SCMH1: variants seen among roughly 807,000 people sequenced by gnomAD.
SCMH1 encodes the protein polycomb protein SCMH1.
SCMH1 carries 37 observed loss-of-function variants against 70.8 expected under a neutral mutation model. The observed-to-expected ratio is 0.52, with a 90% CI of 0.40 to 0.69. The LOEUF is 0.69. Among genes scored for constraint, SCMH1 ranks in the 30% least tolerant of loss-of-function variants. The probability of loss-of-function intolerance (pLI) is 0.00; values close to 1 mark genes in which losing one functional copy is unlikely to be tolerated. For synonymous variants in SCMH1, 292 were observed against 307.4 expected (o/e 0.95, Z 0.52); for missense variants, 607 against 827.3 (o/e 0.73, Z 3.27).
chr1:41,051,602 G>A (rs1373019468), intron 10 of SCMH1, among the ~76,000 whole-genome samples: 2 of 152,012 alleles, frequency 1.3e-5, no homozygotes, highest in Non-Finnish European at 2.9e-5. Context: ...GCTAATGTGT[G>A]TGTATGTCTT....
chr1:41,125,804 T>C (rs928043577), intron 6 of SCMH1, among the ~76,000 whole-genome samples: 3 of 152,106 alleles, frequency 2.0e-5, no homozygotes, highest in African/African-American at 7.2e-5. Flanking sequence ...CTCGAACTCC[T>C]AGGCTTAAGG....
chr1:41,092,886 A>C (rs1278834924), intron 8 of SCMH1, among the ~76,000 whole-genome samples: 1 of 152,050 alleles, frequency 6.6e-6, no homozygotes, highest in Non-Finnish European at 1.5e-5. Flanking sequence ...GGTGCTGGAG[A>C]GGATGTGGAG....
intron 2 of SCMH1, among the ~76,000 whole-genome samples, chr1:41,165,074 T>C (rs1646325427): frequency 6.6e-6 from 1 of 152,086 alleles, no homozygotes; most frequent in Admixed American, 6.5e-5. Flanking sequence ...CCTCTGGTTA[T>C]CACCATTCTA....
intron 8 of SCMH1, among the ~76,000 whole-genome samples, chr1:41,102,463 C>T (rs1666864235): frequency 6.6e-6 from 1 of 152,198 alleles, no homozygotes; most frequent in South Asian, 2.1e-4. Context: ...GCCTCCTGCT[C>T]TGATCCAGCT....
At chr1:41,175,566 C>T (rs1056488484) in intron 2 of SCMH1, among the ~76,000 whole-genome samples, 11 of 152,216 alleles carry the variant, frequency 7.2e-5, no homozygotes, top group Admixed American at 2.6e-4. Flanking sequence ...AACCCTAATA[C>T]TAGGTCAGAG....
At chr1:41,163,967 T>G (rs1009370307) in intron 2 of SCMH1, among the ~76,000 whole-genome samples, 5 of 152,210 alleles carry the variant, frequency 3.3e-5, no homozygotes, top group African/African-American at 4.8e-5. Flanking sequence ...GATACATTAC[T>G]CATATAAGGA....
chr1:41,152,990 AGTCAAGGTTTAAAGGC>A (rs1037514497), intron 4 of SCMH1, among the ~76,000 whole-genome samples: 2 of 152,236 alleles, frequency 1.3e-5, no homozygotes, highest in African/African-American at 4.8e-5. Context: ...TATTTTCTGA[AGTCAAGGTTTAAAGGC>A]GTTATCAGAA....
chr1:41,033,270 A>C (rs902467451), intron 13 of SCMH1, among the ~76,000 whole-genome samples: 10 of 151,650 alleles, frequency 6.6e-5, no homozygotes, highest in Non-Finnish European at 1.3e-4. Flanking sequence ...TGGGTGACAC[A>C]GTGAGAGACA....
chr1:41,181,446 T>C (rs1190228477), intron 2 of SCMH1, among the ~76,000 whole-genome samples: 2 of 152,030 alleles, frequency 1.3e-5, no homozygotes, highest in Admixed American at 6.6e-5. Flanking sequence ...TGCAATCTAC[T>C]CATCTCACAA....
intron 8 of SCMH1, among the ~76,000 whole-genome samples, chr1:41,109,924 G>A (rs911597191): frequency 4.6e-5 from 7 of 152,132 alleles, no homozygotes; most frequent in African/African-American, 1.7e-4. Context: ...GAATTCCCTA[G>A]GCATGAAAAT....
At chr1:41,099,073 T>A (rs1162482067) in intron 8 of SCMH1, 2 of 243,128 alleles carry the variant, frequency 8.2e-6, no homozygotes, top group African/African-American at 4.6e-5. Flanking sequence ...AGAAGGCAGA[T>A]GTTTGACTGG....
At chr1:41,138,546 C>T (rs1212227039) in intron 6 of SCMH1, among the ~76,000 whole-genome samples, 1 of 151,642 alleles carries the variant, frequency 6.6e-6, no homozygotes, top group Non-Finnish European at 1.5e-5. Flanking sequence ...TCCTTAATGT[C>T]CCTTATTACA....
chr1:41,028,123 C>G, exon 15 of SCMH1: 2 of 1,594,924 alleles, frequency 1.3e-6, no homozygotes, highest in Non-Finnish European at 1.7e-6. Context: ...CTGGGGTGGG[C>G]TGATGCCCCT....
intron 6 of SCMH1, among the ~76,000 whole-genome samples, chr1:41,118,467 G>A (rs894956600): frequency 1.3e-5 from 2 of 152,136 alleles, no homozygotes; most frequent in African/African-American, 4.8e-5. Flanking sequence ...CAATATATAA[G>A]TAAATCATTT....
intron 8 of SCMH1, among the ~76,000 whole-genome samples, chr1:41,101,173 T>C (rs1479915348): frequency 2.0e-5 from 3 of 152,156 alleles, no homozygotes; most frequent in South Asian, 2.1e-4. Flanking sequence ...AGCCAATGGA[T>C]AGATACTGGG....
intron 10 of SCMH1, among the ~76,000 whole-genome samples, chr1:41,057,130 C>T (rs1182566047): frequency 6.6e-6 from 1 of 152,176 alleles, no homozygotes; most frequent in Non-Finnish European, 1.5e-5. Context: ...GGACCAGAAG[C>T]ACTTGTTAAG....
chr1:41,116,798 T>C (rs11209563), intron 7 of SCMH1, 124 bp downstream of exon 7: 59,453 of 617,322 alleles, frequency 0.096, 3,218 homozygotes, highest in Admixed American at 0.13. Context: ...CATAAGCTAC[T>C]AAAAAATCCT....
At chr1:41,152,539 A>C (rs1645158797) in intron 4 of SCMH1, 2 of 1,566,152 alleles carry the variant, frequency 1.3e-6, no homozygotes. Flanking sequence ...GGATCACTAA[A>C]GATTATCAAG....
intron 13 of SCMH1, among the ~76,000 whole-genome samples, chr1:41,035,693 T>C (rs958076947): frequency 1.3e-5 from 2 of 152,192 alleles, no homozygotes; most frequent in African/African-American, 4.8e-5. Context: ...ATATTCTTAA[T>C]TGCTACTTTT....
Sources: gnomAD v4.1 joint callset for allele counts (sites outside exome capture counted in the v4.1 genomes callset) on GRCh38, gnomAD v4.1.1 for gene constraint, MANE v1.5 for transcripts, NCBI Gene and HGNC (gene_info 2026-07-23, HGNC 2026-07-21) for gene names.